MACROD2: variants seen among roughly 807,000 people sequenced by gnomAD.
The protein encoded by MACROD2 is mono-ADP ribosylhydrolase 2.
In MACROD2, 36 loss-of-function variants were observed where a neutral mutation model predicts 70.4. That is an observed-to-expected ratio of 0.51 (90% CI 0.39 to 0.68). The LOEUF (loss-of-function observed/expected upper bound fraction) is 0.68. Among genes scored for constraint, MACROD2 ranks in the 30% least tolerant of loss-of-function variants. The probability of loss-of-function intolerance (pLI) is 0.00; values close to 1 mark genes in which losing one functional copy is unlikely to be tolerated. For synonymous variants in MACROD2, 172 were observed against 178.8 expected, an observed-to-expected ratio of 0.96 and a Z score of 0.30; for missense variants, 496 against 538.4, an observed-to-expected ratio of 0.92 and a Z score of 0.78.
intron 8 of MACROD2, among the ~76,000 whole-genome samples, chr20:15,676,940 T>C (rs924281165): frequency 9.9e-5 from 15 of 152,220 alleles, no homozygotes; most frequent in African/African-American, 3.6e-4. Flanking sequence ...TGCGTTGGGT[T>C]CATCTCCTTG....
chr20:14,373,481 G>A (rs2083345186), intron 3 of MACROD2, among the ~76,000 whole-genome samples: 1 of 151,978 alleles, frequency 6.6e-6, no homozygotes, highest in African/African-American at 2.4e-5. Context: ...CTATTTGAAT[G>A]TGCTTTACTT....
chr20:14,026,289 T>A (rs2053163971), intron 2 of MACROD2, among the ~76,000 whole-genome samples: 1 of 152,204 alleles, frequency 6.6e-6, no homozygotes, highest in Non-Finnish European at 1.5e-5. Flanking sequence ...GTCTTGACTC[T>A]TTATCCAATT....
At chr20:15,384,551 C>T (rs1389322800) in intron 6 of MACROD2, among the ~76,000 whole-genome samples, 1 of 152,136 alleles carries the variant, frequency 6.6e-6, no homozygotes, top group Non-Finnish European at 1.5e-5. Flanking sequence ...AAGGTTGTAT[C>T]GTGCAAACCT....
intron 6 of MACROD2, among the ~76,000 whole-genome samples, chr20:15,409,800 A>G (rs2046052564): frequency 6.6e-6 from 1 of 152,186 alleles, no homozygotes; most frequent in African/African-American, 2.4e-5. Flanking sequence ...TCACCCATAC[A>G]CAGCCAGAGA....
chr20:14,433,192 G>A (rs1376549169), intron 3 of MACROD2, among the ~76,000 whole-genome samples: 2 of 152,038 alleles, frequency 1.3e-5, no homozygotes, highest in African/African-American at 4.8e-5. Context: ...ATGGTCTTAA[G>A]GAAGGAGATG....
At chr20:14,934,524 T>C (rs1402653606) in intron 5 of MACROD2, among the ~76,000 whole-genome samples, 1 of 152,144 alleles carries the variant, frequency 6.6e-6, no homozygotes, top group Non-Finnish European at 1.5e-5. Context: ...TGGTGGGTCA[T>C]GCCTATAATC....
intron 13 of MACROD2, among the ~76,000 whole-genome samples, chr20:15,973,185 A>G (rs1339242596): frequency 6.6e-6 from 1 of 152,136 alleles, no homozygotes; most frequent in Admixed American, 6.6e-5. Context: ...TTTAATTGAT[A>G]TCTCTATATT....
intron 5 of MACROD2, chr20:14,934,877 G>C (rs1263775150): frequency 1.3e-5 from 2 of 152,150 alleles, no homozygotes; most frequent in Non-Finnish European, 2.9e-5. Flanking sequence ...GAGGGACTGT[G>C]ACCTTTCAGT....
chr20:15,141,382 A>G (rs923894050), intron 5 of MACROD2, among the ~76,000 whole-genome samples: 9 of 151,176 alleles, frequency 6.0e-5, no homozygotes, highest in African/African-American at 1.7e-4. Flanking sequence ...GCATACATAC[A>G]TATAGATATA....
At chr20:15,189,311 AGTGT>A in intron 5 of MACROD2, among the ~76,000 whole-genome samples, 1 of 151,860 alleles carries the variant, frequency 6.6e-6, no homozygotes, top group Non-Finnish European at 1.5e-5. Context: ...AATACTTATA[AGTGT>A]ATGGGGGTAT....
At position 14,601,714 on chromosome 20, in the gene MACROD2, A is replaced by C. The variant is rs1279590656; in HGVS notation, c.302-83129A>C. 2.6e-5 allele frequency among the ~76,000 whole-genome samples: 4 copies of C among 152,114 alleles called. No individual in the cohort carries two copies. In the East Asian group the frequency reaches 7.7e-4, roughly 29 times the overall value. On this transcript the variant is annotated intron_variant, in intron 4 of 17. Coordinates refer to ENST00000684519, the MANE Select transcript of MACROD2 (RefSeq NM_001351661.2). ...GTACCTCAGGGCCGTGAAAGTCATA[A>C]CTTAGCACTGGAAATCACTCCTTAC...
intron 8 of MACROD2, among the ~76,000 whole-genome samples, chr20:15,807,014 G>C (rs1055369398): frequency 6.6e-6 from 1 of 152,182 alleles, no homozygotes; most frequent in African/African-American, 2.4e-5. Flanking sequence ...AGTTGGAGGA[G>C]ACGAGGATCT....
chr20:15,429,142 T>C (rs1056087273), intron 6 of MACROD2, among the ~76,000 whole-genome samples: 2 of 152,198 alleles, frequency 1.3e-5, no homozygotes. Flanking sequence ...AAGCTTGCAG[T>C]TGATTTTCAT....
At chr20:15,986,883 G>A (rs185565017) in intron 14 of MACROD2, 82 bp downstream of exon 14, 44 of 1,123,090 alleles carry the variant, frequency 3.9e-5, no homozygotes, top group East Asian at 2.4e-4. Context: ...GTGTGTGTGC[G>A]TGGTGTGTGT....
At chr20:14,577,126 A>T (rs1980650807) in intron 4 of MACROD2, among the ~76,000 whole-genome samples, 1 of 152,190 alleles carries the variant, frequency 6.6e-6, no homozygotes, top group Admixed American at 6.5e-5. Flanking sequence ...CTTCATCCAA[A>T]AGCAGATACT....
intron 3 of MACROD2, among the ~76,000 whole-genome samples, chr20:14,402,226 G>A (rs1466488302): frequency 3.9e-5 from 6 of 152,034 alleles, no homozygotes; most frequent in Admixed American, 3.3e-4. Context: ...GCTTTTTTGT[G>A]TTAGTGTTGT....
intron 3 of MACROD2, among the ~76,000 whole-genome samples, chr20:14,283,099 A>G (rs144702652): frequency 1.9e-3 from 288 of 152,310 alleles, no homozygotes; most frequent in Admixed American, 3.6e-3. Flanking sequence ...AGCTAGTTCC[A>G]TGATACAACC....
chr20:15,581,412 T>C (rs1050138445), intron 8 of MACROD2, among the ~76,000 whole-genome samples: 12 of 152,208 alleles, frequency 7.9e-5, no homozygotes, highest in Non-Finnish European at 1.8e-4. Context: ...ACTTTTTTTC[T>C]CTTTGTGCCT....
intron 8 of MACROD2, among the ~76,000 whole-genome samples, chr20:15,592,635 C>T (rs375606875): frequency 3.3e-5 from 5 of 152,300 alleles, no homozygotes; most frequent in African/African-American, 7.2e-5. Context: ...GTGATTCCCT[C>T]CCCAGGAAAG....
Sources: gnomAD v4.1 joint callset for allele counts (sites outside exome capture counted in the v4.1 genomes callset) on GRCh38, gnomAD v4.1.1 for gene constraint, MANE v1.5 for transcripts, NCBI Gene and HGNC (gene_info 2026-07-23, HGNC 2026-07-21) for gene names.